The following RRM2 variants were observed in gnomAD, a reference collection of about 807,000 sequenced individuals.
RRM2 encodes the protein ribonucleotide reductase regulatory subunit M2.
A neutral mutation model predicts 45.9 loss-of-function variants in RRM2; 6 were observed. The ratio of observed to expected loss-of-function variants is 0.13; its 90% CI spans 0.07 to 0.26. The LOEUF (loss-of-function observed/expected upper bound fraction) is 0.26, where lower values mean the gene tolerates loss of function less well. RRM2 is among the 10% of genes least tolerant of loss of function. RRM2 has a pLI of 1.00. For missense variants in RRM2, 343 were observed against 489.5 expected, an observed-to-expected ratio of 0.70 and a Z score of 2.82; for synonymous variants, 177 against 173.0, an observed-to-expected ratio of 1.02 and a Z score of -0.18.
chr2:10,208,045 T>C (rs1287964517), intron 3 of RRM2, among the ~76,000 whole-genome samples: 1 of 152,250 alleles, frequency 6.6e-6, no homozygotes, highest in Admixed American at 6.5e-5. Flanking sequence ...ATGTGAATTT[T>C]TGTTCTTGTA....
rs70948874 is a variant in RRM2 at position 10,154,691 on chromosome 2, C to CTTTT, written n.482+12334_482+12337dup. 3.4e-3 allele frequency among the ~76,000 whole-genome samples: 323 copies of CTTTT among 95,660 alleles called. 14 individuals are homozygous for CTTTT. The highest frequency in any genetic ancestry group is 0.011 in the African/African-American group (248 of 23,546). 62.8% of individuals were successfully genotyped at this position (95,660 alleles called of 152,430 possible). On this transcript the variant is annotated intron_variant and non_coding_transcript_variant, in intron 3 of 3. Coordinates refer to the RRM2 transcript ENST00000381786. ...TGTCTCCACAGAGTAAGTCCTGATT[C>CTTTT]TTTTTTTTTTTTTTTTTTTTTGAGA...
Position 10,122,784 on chromosome 2 carries a change from C to T in RRM2, c.-15C>T, listed in dbSNP as rs760561877. The T allele has an allele frequency of 1.3e-6, 2 of 1,574,426 alleles. No individual in the cohort carries two copies. Among genetic ancestry groups the T allele is most frequent in the Non-Finnish European group, 1.7e-6 (2 of 1,161,060 alleles). On this transcript the variant is annotated 5_prime_UTR_variant, in exon 1 of 10. Coordinates refer to ENST00000304567, the MANE Select transcript of RRM2 (RefSeq NM_001034.4). Reference sequence around the variant, plus strand: ...CCTGTCCTGGCTGCTCGCTCTGCTTCGCTGCGCCTCCACTATGCTCTCCCT... The same window carrying T: ...CCTGTCCTGGCTGCTCGCTCTGCTTTGCTGCGCCTCCACTATGCTCTCCCT...
At chr2:10,177,690 CCTTCCTTCCTTCCTT>C (rs1558398419) in intron 3 of RRM2, among the ~76,000 whole-genome samples, 5 of 150,458 alleles carry the variant, frequency 3.3e-5, no homozygotes, top group African/African-American at 9.9e-5. Flanking sequence ...TTCCTTCCTT[CCTTCCTTCCTTCCTT>C]CCTCTCTCCC....
chr2:10,164,272 C>T (rs1381354905), intron 3 of RRM2, among the ~76,000 whole-genome samples: 1 of 152,158 alleles, frequency 6.6e-6, no homozygotes, highest in African/African-American at 2.4e-5. Context: ...ATCTGGGCTC[C>T]ACCTCACCAG....
Position 10,129,917 on chromosome 2 carries a change from G to A in RRM2, c.*531G>A, listed in dbSNP as rs867120429. 1 of 152,678 alleles carries A rather than the reference G, an allele frequency of 6.5e-6. No individual in the cohort carries two copies. Among genetic ancestry groups the A allele is most frequent in the African/African-American group, 2.4e-5 (1 of 41,444 alleles). The allele number at this position is 152,678 out of a possible 1,614,324, so 9.5% of individuals were successfully genotyped here. A position where few individuals can be genotyped will look rare whatever the true frequency, so the allele number is the denominator to read the frequency against. Reference sequence around the variant, plus strand: ...AGTAAGTTAAACTTGTGTAGACTAAGCATGTAATTTTTAAGTTTTATTTTA... The same window carrying A: ...AGTAAGTTAAACTTGTGTAGACTAAACATGTAATTTTTAAGTTTTATTTTA... On this transcript the variant is annotated 3_prime_UTR_variant, in exon 10 of 10. Coordinates refer to ENST00000304567, the MANE Select transcript of RRM2 (RefSeq NM_001034.4). The surrounding 1 kb of genome is among the most constrained non-coding windows in gnomAD (Gnocchi z 4.8).
chr2:10,148,387 A>G (rs1362056503), intron 3 of RRM2, among the ~76,000 whole-genome samples: 1 of 111,450 alleles, frequency 9.0e-6, no homozygotes, highest in Non-Finnish European at 2.0e-5. Flanking sequence ...TAGTTTAATC[A>G]AAAGGGACTA....
intron 3 of RRM2, among the ~76,000 whole-genome samples, chr2:10,175,456 C>A (rs1663896149): frequency 1.3e-5 from 2 of 152,160 alleles, no homozygotes; most frequent in South Asian, 4.1e-4. Flanking sequence ...TGTTGTATAA[C>A]CATCACTGCC....
At chr2:10,152,793 A>G (rs980234934) in intron 3 of RRM2, among the ~76,000 whole-genome samples, 25 of 152,084 alleles carry the variant, frequency 1.6e-4, no homozygotes, top group African/African-American at 6.0e-4. Context: ...CCTGTGTACT[A>G]TTCTTAAGAA....
chr2:10,153,496 G>A (rs1431965444), intron 3 of RRM2, among the ~76,000 whole-genome samples: 1 of 151,998 alleles, frequency 6.6e-6, no homozygotes, highest in Non-Finnish European at 1.5e-5. Context: ...CCGGTTTCTG[G>A]GAGGAGAGAG....
At chr2:10,155,920 G>A (rs1235480832) in intron 3 of RRM2, 1 of 152,252 alleles carries the variant, frequency 6.6e-6, no homozygotes. Context: ...AGCCCAAGGA[G>A]CTTGTGCACC....
intron 3 of RRM2, 76 bp downstream of exon 3, chr2:10,123,606 G>C: frequency 6.5e-7 from 1 of 1,549,366 alleles, no homozygotes; most frequent in Non-Finnish European, 8.8e-7. Context: ...GGAGGTTCCC[G>C]TTGGCAAGGG....
At chr2:10,122,929 G>C in intron 1 of RRM2, 32 bp downstream of exon 1, 1 of 1,553,520 alleles carries the variant, frequency 6.4e-7, no homozygotes, top group Admixed American at 1.9e-5. Context: ...TGCGGGCAGG[G>C]GAGGGAGGCA....
chr2:10,187,060 G>A (rs1664182666), intron 3 of RRM2, among the ~76,000 whole-genome samples: 1 of 152,228 alleles, frequency 6.6e-6, no homozygotes, highest in Non-Finnish European at 1.5e-5. Flanking sequence ...CCGCTCTGTG[G>A]GGCCTTTGCC....
chr2:10,192,011 C>G (rs2125329398), intron 3 of RRM2, among the ~76,000 whole-genome samples: 1 of 152,272 alleles, frequency 6.6e-6, no homozygotes, highest in Non-Finnish European at 1.5e-5. Context: ...AGCGGCATCT[C>G]CTGAGGATTT....
chr2:10,201,162 A>G (rs1348850962), intron 3 of RRM2, among the ~76,000 whole-genome samples: 1 of 149,742 alleles, frequency 6.7e-6, no homozygotes, highest in Non-Finnish European at 1.5e-5. Flanking sequence ...AAAAAAAAAA[A>G]GAAAGAAAGA....
intron 3 of RRM2, among the ~76,000 whole-genome samples, chr2:10,164,475 G>GAA (rs1663640041): frequency 6.6e-6 from 1 of 152,188 alleles, no homozygotes. Flanking sequence ...AACGACCAAT[G>GAA]AACCAGCCAG....
At position 10,166,944 on chromosome 2, in the gene RRM2, G is replaced by A. The variant is rs547173559; in HGVS notation, n.482+24569G>A. On this transcript the variant is annotated intron_variant and non_coding_transcript_variant, in intron 3 of 3. Coordinates refer to the RRM2 transcript ENST00000381786. ...ACCCTGTTAGGAAACAAGTGTGTCT[G>A]TACGTGCCACTTATGATGGGGACAG... Among the ~76,000 whole-genome samples the A allele has an allele frequency of 5.6e-4, 86 of 152,388 alleles. 3 individuals carry two copies. In the South Asian group the frequency reaches 0.012, roughly 21 times the overall value.
At chr2:10,182,863 C>T (rs1005046885) in intron 3 of RRM2, among the ~76,000 whole-genome samples, 3 of 152,124 alleles carry the variant, frequency 2.0e-5, no homozygotes, top group Non-Finnish European at 4.4e-5. Context: ...TAAATGGCCA[C>T]TCAAACGCAG....
chr2:10,210,220 C>G, intron 3 of RRM2: 1 of 830,620 alleles, frequency 1.2e-6, no homozygotes, highest in South Asian at 1.5e-5. Context: ...TGTTCCGGCT[C>G]CCTAGTGCCC....
Sources: allele counts gnomAD v4.1 joint callset (sites outside exome capture counted in the v4.1 genomes callset), GRCh38; gene constraint gnomAD v4.1.1; non-coding constraint Gnocchi (gnomAD v3.1); transcripts MANE v1.5; gene names NCBI Gene and HGNC (gene_info 2026-07-23, HGNC 2026-07-21).